Variants in RTN1 observed in about 807,000 individuals in gnomAD.
The protein encoded by RTN1 is reticulon 1.
A neutral mutation model predicts 65.5 loss-of-function variants in RTN1; 25 were observed. That is an observed-to-expected ratio of 0.38 (90% CI 0.28 to 0.53). The LOEUF (loss-of-function observed/expected upper bound fraction) is 0.53, where lower values mean the gene tolerates loss of function less well. RTN1 is among the 20% of genes least tolerant of loss of function. The pLI, the probability that RTN1 is intolerant of heterozygous loss-of-function variation, is 0.79. For synonymous variants in RTN1, 471 were observed against 447.6 expected, an observed-to-expected ratio of 1.05 and a Z score of -0.66; for missense variants, 983 against 1,025.4, an observed-to-expected ratio of 0.96 and a Z score of 0.57.
intron 3 of RTN1, among the ~76,000 whole-genome samples, chr14:59,615,216 G>A (rs540829635): frequency 8.8e-4 from 134 of 152,290 alleles, no homozygotes; most frequent in African/African-American, 3.2e-3. Context: ...TTGGGAGGCT[G>A]AGGGTGGTGG....
intron 3 of RTN1, among the ~76,000 whole-genome samples, chr14:59,718,240 C>G (rs1040193435): frequency 6.6e-6 from 1 of 152,184 alleles, no homozygotes; most frequent in Non-Finnish European, 1.5e-5. Context: ...ACTCAGGAAT[C>G]TCTGAGTAAA....
rs577971372 is a variant in RTN1, at chr14:59,724,779, C to T, written c.1765+2140G>A. Among the ~76,000 whole-genome samples the T allele has an allele frequency of 1.1e-3, 165 of 151,950 alleles. 1 individual carries two copies. Among genetic ancestry groups the T allele is most frequent in the African/African-American group, 3.7e-3 (155 of 41,438 alleles). ...CTGGGCAGCGCTGATCCTTTCTCAC[C>T]TGCTGAGACAGAGCAAGTGAGACCA... On this transcript the variant is annotated intron_variant, in intron 3 of 8. Transcript: ENST00000267484.
At chr14:59,699,060 A>G (rs1358687629) in intron 3 of RTN1, among the ~76,000 whole-genome samples, 1 of 152,118 alleles carries the variant, frequency 6.6e-6, no homozygotes, top group Admixed American at 6.6e-5. Context: ...GCTTGTTGTC[A>G]TCTATATCAA....
At chr14:59,810,320 A>G (rs770174602) in intron 1 of RTN1, among the ~76,000 whole-genome samples, 7 of 152,226 alleles carry the variant, frequency 4.6e-5, no homozygotes, top group Non-Finnish European at 7.3e-5. Flanking sequence ...TGGCTGTGAC[A>G]CAAACTTGCT....
chr14:59,640,209 T>C (rs374306020), intron 3 of RTN1, among the ~76,000 whole-genome samples: 1 of 152,234 alleles, frequency 6.6e-6, no homozygotes, highest in African/African-American at 2.4e-5. Flanking sequence ...TAATTATAGA[T>C]TTCTTTAATA....
chr14:59,853,873 T>C (rs974881413), intron 1 of RTN1, among the ~76,000 whole-genome samples: 4 of 150,418 alleles, frequency 2.7e-5, no homozygotes, highest in African/African-American at 9.8e-5. Context: ...CTTTTTTTTT[T>C]TTTTTTTTTG....
chr14:59,784,950 C>T (rs1318715172), intron 1 of RTN1, among the ~76,000 whole-genome samples: 1 of 152,168 alleles, frequency 6.6e-6, no homozygotes, highest in Non-Finnish European at 1.5e-5. Context: ...ATTTTAATAA[C>T]ATAAAGGCTT....
At chr14:59,707,023 G>A (rs1355785730) in intron 3 of RTN1, among the ~76,000 whole-genome samples, 2 of 152,210 alleles carry the variant, frequency 1.3e-5, no homozygotes, top group African/African-American at 2.4e-5. Flanking sequence ...CTAAGAATCA[G>A]ACACATACAG....
chr14:59,694,144 G>A (rs1282620206), intron 3 of RTN1, among the ~76,000 whole-genome samples: 1 of 152,154 alleles, frequency 6.6e-6, no homozygotes, highest in East Asian at 1.9e-4. Flanking sequence ...TCTTTAGCCA[G>A]GCATTTCATC....
intron 3 of RTN1, among the ~76,000 whole-genome samples, chr14:59,609,360 T>C (rs1229775585): frequency 6.6e-6 from 1 of 151,218 alleles, no homozygotes; most frequent in Non-Finnish European, 1.5e-5. Flanking sequence ...GATGCTAGAA[T>C]AGAATAATGT....
rs191035409 is a variant in RTN1, at chr14:59,856,363, G to A, written c.241+14027C>T. ...CCAGTTGATTTAGCCCTGTACTGGC[G>A]GGTAGCAGGAGCTAGCTTTCGCTGT... On this transcript the variant is annotated intron_variant, in intron 1 of 8. Transcript: ENST00000267484. Among the ~76,000 whole-genome samples, 70 of 152,252 alleles carry A rather than the reference G, an allele frequency of 4.6e-4. 1 individual carries two copies. Among genetic ancestry groups the A allele is most frequent in the Non-Finnish European group, 8.2e-4 (56 of 68,000 alleles).
In RTN1 at chr14:59,727,416, G is replaced by C. The variant is rs1014346787; in HGVS notation, c.1268C>G (p.Ala423Gly). ...IELVSEDPMA[A>G]EDALPSGYVS... is the part of the protein sequence containing the mutation. Reference sequence around the variant, plus strand: ...ATAGCCTGAGGGCAGCGCGTCCTCCGCGGCCATGGGGTCCTCGGACACCAG... The same window carrying C: ...ATAGCCTGAGGGCAGCGCGTCCTCCCCGGCCATGGGGTCCTCGGACACCAG... The change falls in exon 3 of 9, where the codon GCG (alanine) becomes GGG (glycine). Residue 423 changes from alanine to glycine, a missense_variant. Around this residue, in one of 2 missense-constraint regions of RTN1, gnomAD observed 818 missense variants for 801.8 expected, o/e 1.02. Transcript: ENST00000267484. The surrounding 1 kb of genome is among the most constrained non-coding windows in gnomAD (Gnocchi z 4.2). 6 of 1,549,858 alleles carry C rather than the reference G, an allele frequency of 3.9e-6. No individual in the cohort carries two copies. The highest frequency in any genetic ancestry group is 5.2e-6 in the Non-Finnish European group (6 of 1,147,750).
intron 1 of RTN1, among the ~76,000 whole-genome samples, chr14:59,764,653 T>C (rs1332030938): frequency 1.3e-5 from 2 of 152,168 alleles, no homozygotes; most frequent in Middle Eastern, 3.2e-3. Context: ...ATAATCACTA[T>C]AACATTTTTT....
Position 59,746,062 on chromosome 14 carries a change from C to T in RTN1, c.661G>A (p.Asp221Asn). The change falls in exon 2 of 9, where the codon GAC becomes AAC. Residue 221 changes from aspartate (D) to asparagine (N), a missense_variant. Coordinates refer to ENST00000267484, the MANE Select transcript of RTN1 (RefSeq NM_021136.3). ...ATGTCAGTGTCTTTATTCTTAAAGT[C>T]CAAGTCTTTATCTTCCAGCTCGGGG... ...HHPELEDKDL[D>N]FKNKDTDISI... is the part of the protein sequence containing the mutation. The T allele has an allele frequency of 1.2e-6, 2 of 1,614,102 alleles. No individual in the cohort carries two copies. Among genetic ancestry groups the T allele is most frequent in the East Asian group, 2.2e-5 (1 of 44,886 alleles).
At chr14:59,814,795 G>A (rs1886790490) in intron 1 of RTN1, among the ~76,000 whole-genome samples, 1 of 152,144 alleles carries the variant, frequency 6.6e-6, no homozygotes. Context: ...ATGTATAAAT[G>A]TTCACAGCTG....
At chr14:59,768,278 G>A (rs7154315) in intron 1 of RTN1, among the ~76,000 whole-genome samples, 69,940 of 152,048 alleles carry the variant, frequency 0.46, 17,965 homozygotes, top group African/African-American at 0.7. Flanking sequence ...AACTTGATAA[G>A]TGTTTTTTAA....
chr14:59,607,190 G>A, intron 4 of RTN1, 95 bp downstream of exon 4: 1 of 1,093,922 alleles, frequency 9.1e-7, no homozygotes. Flanking sequence ...TTGGGTCTCA[G>A]AGAAACATGA....
intron 3 of RTN1, among the ~76,000 whole-genome samples, chr14:59,695,646 A>C (rs1025401147): frequency 9.2e-5 from 14 of 152,182 alleles, no homozygotes; most frequent in African/African-American, 3.1e-4. Flanking sequence ...TCTGGGATTT[A>C]TTTGTTACAA....
intron 3 of RTN1, among the ~76,000 whole-genome samples, chr14:59,662,786 AAC>A (rs1481751160): frequency 6.6e-6 from 1 of 152,188 alleles, no homozygotes; most frequent in Admixed American, 6.5e-5. Context: ...CAAATGGAAA[AAC>A]ACTCCATGCT....
Sources: gnomAD v4.1 joint callset for allele counts (sites outside exome capture counted in the v4.1 genomes callset) on GRCh38, gnomAD v4.1.1 for gene constraint, gnomAD v4.1.1 regional missense constraint, Gnocchi (gnomAD v3.1) non-coding constraint, MANE v1.5 for transcripts, NCBI Gene and HGNC (gene_info 2026-07-23, HGNC 2026-07-21) for gene names.